The following ZNF257 variants were observed in gnomAD, a reference collection of about 807,000 sequenced individuals.
ZNF257 encodes the protein zinc finger protein 257.
In ZNF257, 12 loss-of-function variants were observed where a neutral mutation model predicts 11.9. The observed-to-expected ratio is 1.01, with a 90% CI of 0.65 to 1.63. The LOEUF (loss-of-function observed/expected upper bound fraction) is 1.63, where lower values mean the gene tolerates loss of function less well. ZNF257 is among the 40% of genes most tolerant of loss of function. ZNF257 has a pLI of 0.00. For missense variants in ZNF257, 580 were observed against 665.5 expected, an observed-to-expected ratio of 0.87 and a Z score of 1.41; for synonymous variants, 183 against 222.7, an observed-to-expected ratio of 0.82 and a Z score of 1.59.
chr19:22,072,788 CTGTGTT>C lies in ZNF257; in HGVS notation c.4-15_4-10del, dbSNP rs2022134192. The C allele has an allele frequency of 2.5e-6, 4 of 1,603,728 alleles. No individual in the cohort carries two copies. The highest frequency in any genetic ancestry group is 2.6e-6 in the Non-Finnish European group (3 of 1,175,600). Reference sequence around the variant, plus strand: ...GACCACTTGGTAAATATATGTGTGTCTGTGTTTGTGTGTTTTTCAGGGACCACTGAC... The same window carrying C: ...GACCACTTGGTAAATATATGTGTGTCTGTGTGTTTTTCAGGGACCACTGAC... On this transcript the variant is annotated splice_polypyrimidine_tract_variant and intron_variant, in intron 1 of 3. Transcript: ENST00000594947.
At chr19:22,084,620 G>C (rs2022432697) in intron 3 of ZNF257, among the ~76,000 whole-genome samples, 1 of 151,882 alleles carries the variant, frequency 6.6e-6, no homozygotes, top group Non-Finnish European at 1.5e-5. Flanking sequence ...TTTTGAAAAA[G>C]AGCATGCTTG....
At chr19:22,073,001 T>G in intron 2 of ZNF257, 66 bp downstream of exon 2, 1 of 1,438,094 alleles carries the variant, frequency 7.0e-7, no homozygotes, top group Non-Finnish European at 9.2e-7. Context: ...TTTATTTTTT[T>G]TTTTGTAGAA....
intron 3 of ZNF257, among the ~76,000 whole-genome samples, chr19:22,076,712 G>A (rs1407070858): frequency 2.0e-5 from 3 of 151,916 alleles, no homozygotes; most frequent in South Asian, 4.2e-4. Flanking sequence ...TTTTTGAGAC[G>A]GAGTCTCGCT....
chr19:22,053,366 C>CAAAAAAA (rs61426953), intron 1 of ZNF257, among the ~76,000 whole-genome samples: 4 of 76,500 alleles, frequency 5.2e-5, no homozygotes, highest in South Asian at 6.1e-4. Context: ...GACTCCGTCT[C>CAAAAAAA]AAAAAAAAAA....
intron 1 of ZNF257, chr19:22,060,538 T>G (rs1398140101): frequency 1.3e-5 from 2 of 149,048 alleles, no homozygotes; most frequent in African/African-American, 5.0e-5. Flanking sequence ...CAGACTGGAG[T>G]GCAGTGGGAT....
intron 3 of ZNF257, among the ~76,000 whole-genome samples, chr19:22,077,700 T>G (rs1174790165): frequency 6.6e-6 from 1 of 152,196 alleles, no homozygotes; most frequent in East Asian, 1.9e-4. Flanking sequence ...GCCTTTTGAC[T>G]TTTGTGAATA....
intron 1 of ZNF257, among the ~76,000 whole-genome samples, chr19:22,070,145 T>C (rs2022065354): frequency 6.7e-6 from 1 of 149,448 alleles, no homozygotes; most frequent in East Asian, 2.0e-4. Flanking sequence ...TTAGGGTCTT[T>C]TTAAATTTTT....
At chr19:22,071,388 C>T (rs888606133) in intron 1 of ZNF257, among the ~76,000 whole-genome samples, 7 of 151,944 alleles carry the variant, frequency 4.6e-5, no homozygotes, top group Non-Finnish European at 7.4e-5. Flanking sequence ...GTGGTGCTGA[C>T]ACCTTTAAAG....
At chr19:22,068,534 G>A (rs1599665073) in intron 1 of ZNF257, among the ~76,000 whole-genome samples, 1 of 152,142 alleles carries the variant, frequency 6.6e-6, no homozygotes, top group East Asian at 1.9e-4. Context: ...TTTCTGCATT[G>A]TGAGATGTCA....
intron 3 of ZNF257, among the ~76,000 whole-genome samples, chr19:22,079,608 T>C (rs1023016447): frequency 1.3e-5 from 2 of 152,098 alleles, no homozygotes; most frequent in African/African-American, 4.8e-5. Flanking sequence ...TTATTCACTA[T>C]CACAAGAACA....
Position 22,061,633 on chromosome 19 carries a change from T to TC in ZNF257, c.3+8999dup, listed in dbSNP as rs2021796733. On this transcript the variant is annotated intron_variant, in intron 1 of 3. Coordinates refer to ENST00000594947, the MANE Select transcript of ZNF257 (RefSeq NM_033468.4). ...CCCATTTGGATGCCTTTTTTTTTTT[T>TC]CTCACCTGATTGCTGTGGCTAGGAC... 2.6e-5 allele frequency among the ~76,000 whole-genome samples: 4 copies of TC among 152,130 alleles called. 1 individual carries two copies. In the South Asian group the frequency reaches 8.3e-4, roughly 32 times the overall value.
At position 22,089,286 on chromosome 19, in the gene ZNF257, G is replaced by A; in HGVS notation, c.1536G>A (p.Glu512=). The A allele has an allele frequency of 6.2e-7, 1 of 1,613,844 alleles. No homozygotes were observed. The highest frequency in any genetic ancestry group is 8.5e-7 in the Non-Finnish European group (1 of 1,179,902). ...LSQHKIIHTG[E]KPYKCEECGK... is the part of the protein sequence containing the mutation. ...AACATAAGATAATTCATACTGGAGA[G>A]AAACCCTACAAATGTGAAGAATGTG... Residue 512 remains glutamate, a synonymous_variant, in exon 4 of 4, where the codon GAG becomes GAA. Coordinates refer to ENST00000594947, the MANE Select transcript of ZNF257 (RefSeq NM_033468.4).
chr19:22,070,607 T>C (rs2022080240), intron 1 of ZNF257, among the ~76,000 whole-genome samples: 1 of 152,124 alleles, frequency 6.6e-6, no homozygotes, highest in South Asian at 2.1e-4. Context: ...CTGTATACTC[T>C]ACAGAGCCAG....
chr19:22,073,902 C>A (rs187995164), intron 3 of ZNF257, among the ~76,000 whole-genome samples: 2 of 152,166 alleles, frequency 1.3e-5, no homozygotes, highest in East Asian at 3.9e-4. Flanking sequence ...TTCAAAAATT[C>A]TATGTTAAGC....
At chr19:22,071,541 A>G (rs2022102773) in intron 1 of ZNF257, among the ~76,000 whole-genome samples, 1 of 152,110 alleles carries the variant, frequency 6.6e-6, no homozygotes, top group Admixed American at 6.5e-5. Context: ...GCCTTCTGAA[A>G]TGCCATGCAT....
At position 22,088,436 on chromosome 19, in the gene ZNF257, A is replaced by G. The variant is rs1028428359; in HGVS notation, c.686A>G (p.Tyr229Cys). ...ATGACTCATACTGGAGAGAAACCCT[A>G]CAAATGTGAAGAGTGTGGAAAAGCT... ...HKMTHTGEKP[Y>C]KCEECGKAFN... Residue 229 changes from tyrosine (Y) to cysteine (C), a missense_variant, in exon 4 of 4, where the codon TAC becomes TGC. Coordinates refer to ENST00000594947, the MANE Select transcript of ZNF257 (RefSeq NM_033468.4). 36 of 1,612,036 alleles carry G rather than the reference A, an allele frequency of 2.2e-5. No homozygotes were observed. Among genetic ancestry groups the G allele is most frequent in the Non-Finnish European group, 3.0e-5 (35 of 1,179,370 alleles).
At chr19:22,058,232 A>G (rs1361264293) in intron 1 of ZNF257, among the ~76,000 whole-genome samples, 1 of 151,634 alleles carries the variant, frequency 6.6e-6, no homozygotes, top group African/African-American at 2.4e-5. Context: ...AATCACAACT[A>G]TTTACCTGGA....
chr19:22,088,913 C>A lies in ZNF257; in HGVS notation c.1163C>A (p.Thr388Asn). The A allele has an allele frequency of 3.7e-6, 6 of 1,611,302 alleles. No individual in the cohort carries two copies. Among genetic ancestry groups the A allele is most frequent in the Non-Finnish European group, 5.1e-6 (6 of 1,178,598 alleles). Residue 388 changes from threonine (T) to asparagine (N), a missense_variant, in exon 4 of 4, where the codon ACT becomes AAT. Coordinates refer to ENST00000594947, the MANE Select transcript of ZNF257 (RefSeq NM_033468.4). Reference sequence around the variant, plus strand: ...GCCTTTAACCGGTCTTCACACCTTACTAAACATAAGAGAATTCATACTAGA... The same window carrying A: ...GCCTTTAACCGGTCTTCACACCTTAATAAACATAAGAGAATTCATACTAGA... ...GKAFNRSSHL[T>N]KHKRIHTREK...
At chr19:22,069,357 G>A (rs1332694845) in intron 1 of ZNF257, among the ~76,000 whole-genome samples, 4 of 152,160 alleles carry the variant, frequency 2.6e-5, no homozygotes, top group Admixed American at 2.6e-4. Context: ...GCTTACGCCT[G>A]TAATCCCAGC....
Sources: allele counts gnomAD v4.1 joint callset (sites outside exome capture counted in the v4.1 genomes callset), GRCh38; gene constraint gnomAD v4.1.1; transcripts MANE v1.5; gene names NCBI Gene and HGNC (gene_info 2026-07-23, HGNC 2026-07-21).